WARS1: variants seen among roughly 807,000 people sequenced by gnomAD.
The protein encoded by WARS1 is tryptophan--tRNA ligase, cytoplasmic.
Under a neutral mutation model 47.8 loss-of-function variants are expected in WARS1, and 17 were observed. The observed-to-expected ratio is 0.36, with a 90% CI of 0.24 to 0.53. The LOEUF is 0.53. Ranked by LOEUF, WARS1 falls within the 20% of genes least tolerant of loss-of-function variation. The pLI is 0.91. For synonymous variants in WARS1, 208 were observed against 228.1 expected (o/e 0.91, Z 0.79); for missense variants, 434 against 608.0 (o/e 0.71, Z 3.01).
chr14:100,348,410 C>T (rs191052648), intron 6 of WARS1, among the ~76,000 whole-genome samples: 143 of 152,252 alleles, frequency 9.4e-4, no homozygotes, highest in African/African-American at 3.0e-3. Flanking sequence ...CTGTGTCTTT[C>T]GCCTAGCAGC....
In WARS1 at chr14:100,337,163, C is replaced by T. The variant is rs748258652; in HGVS notation, c.1153G>A (p.Glu385Lys). Residue 385 changes from glutamate to lysine, a missense_variant, in exon 10 of 11, where the codon GAG (glutamate) becomes AAG (lysine). Physicochemically the swap from Glu to Lys is moderately conservative, Grantham distance 56. This residue lies in a region of WARS1 where 347 missense variants were observed against 523.8 expected (regional missense o/e 0.66). Transcript: ENST00000392882. ...HAFSGGRDTI[E>K]EHRQFGGNCD... ...TTGCCCCCAAACTGCCTGTGCTCCT[C>T]GATGGTGTCTCTCCCTCCAGAAAAC... 27 of 1,614,190 alleles carry T rather than the reference C, an allele frequency of 1.7e-5. No individual in the cohort carries two copies. Among genetic ancestry groups the T allele is most frequent in the East Asian group, 1.3e-4 (6 of 44,886 alleles).
At chr14:100,349,449 G>A (rs1292116044) in intron 6 of WARS1, among the ~76,000 whole-genome samples, 1 of 152,198 alleles carries the variant, frequency 6.6e-6, no homozygotes, top group Non-Finnish European at 1.5e-5. Flanking sequence ...GCAGAGTGAA[G>A]AAAGCAGGCA....
intron 3 of WARS1, among the ~76,000 whole-genome samples, chr14:100,361,445 G>A (rs1238159947): frequency 6.6e-6 from 1 of 151,990 alleles, no homozygotes; most frequent in Non-Finnish European, 1.5e-5. Flanking sequence ...GTTCTGAAGT[G>A]CTCAAAAAAA....
chr14:100,357,264 A>G (rs563893412), intron 4 of WARS1, among the ~76,000 whole-genome samples: 1 of 152,286 alleles, frequency 6.6e-6, no homozygotes, highest in African/African-American at 2.4e-5. Flanking sequence ...TCAACATCCT[A>G]TTGAAAGTTG....
Position 100,374,821 on chromosome 14 carries a change from G to A in WARS1, c.-74+462C>T, listed in dbSNP as rs553722653. 5.2e-5 allele frequency: 4 copies of A among 76,998 alleles called. No homozygotes were observed. The Admixed American group carries it at 7.6e-4, about 15-fold the overall frequency. 4.8% of individuals were successfully genotyped at this position (76,998 alleles called of 1,614,324 possible). The stretch of plus-strand genomic sequence containing the variant: ...AGAGGACAAGAAAATGACTTCTTTA[G>A]AGCAAGGATTTCTTGACACCTTTTG... On this transcript the variant is annotated intron_variant, in intron 1 of 10. Coordinates refer to ENST00000392882, the MANE Select transcript of WARS1 (RefSeq NM_004184.4).
At chr14:100,354,138 C>T (rs138012417) in intron 5 of WARS1, 4 of 511,300 alleles carry the variant, frequency 7.8e-6, no homozygotes, top group Non-Finnish European at 1.4e-5. Flanking sequence ...TAGGTATCTT[C>T]ATTCTCATCT....
intron 6 of WARS1, 123 bp from the exon 7 acceptor site, chr14:100,346,969 G>A: frequency 1.2e-6 from 1 of 815,244 alleles, no homozygotes; most frequent in Non-Finnish European, 2.0e-6. Context: ...CCACATTGTG[G>A]TCAACACGTA....
chr14:100,342,716 T>C (rs1327117942), intron 8 of WARS1, 145 bp from the exon 9 acceptor site: 6 of 292,748 alleles, frequency 2.0e-5, no homozygotes, highest in Non-Finnish European at 2.9e-5. Flanking sequence ...CATCTTTTCC[T>C]TTTTTTTTTT....
chr14:100,359,505 G>A (rs544985090), intron 4 of WARS1, among the ~76,000 whole-genome samples: 2 of 152,314 alleles, frequency 1.3e-5, no homozygotes, highest in South Asian at 4.1e-4. Flanking sequence ...AGTGGGGAGG[G>A]AGAAATGGGG....
intron 2 of WARS1, among the ~76,000 whole-genome samples, chr14:100,367,173 C>T (rs1439968141): frequency 6.6e-6 from 1 of 150,672 alleles, no homozygotes; most frequent in East Asian, 2.0e-4. Context: ...AAATGGAAAA[C>T]AATAGGAGGG....
intron 10 of WARS1, 188 bp downstream of exon 10, chr14:100,336,874 G>A (rs534082304): frequency 4.5e-6 from 3 of 667,738 alleles, no homozygotes; most frequent in South Asian, 2.7e-5. Flanking sequence ...CTGCTCTTTC[G>A]AGATTTGTTC....
At chr14:100,350,002 C>T (rs541093976) in intron 6 of WARS1, among the ~76,000 whole-genome samples, 1 of 152,320 alleles carries the variant, frequency 6.6e-6, no homozygotes, top group South Asian at 2.1e-4. Context: ...AATGTCTCTC[C>T]TCACTTTAGG....
intron 6 of WARS1, among the ~76,000 whole-genome samples, chr14:100,347,580 C>CT (rs1413797433): frequency 6.7e-5 from 10 of 148,868 alleles, no homozygotes; most frequent in South Asian, 4.6e-4. Context: ...AGAGTGGCTT[C>CT]TTTTTTTTTG....
At chr14:100,344,121 C>T (rs1206777946) in intron 7 of WARS1, among the ~76,000 whole-genome samples, 1 of 152,194 alleles carries the variant, frequency 6.6e-6, no homozygotes, top group East Asian at 1.9e-4. Context: ...CACGGTCTCC[C>T]TCTGATGCGG....
chr14:100,351,140 G>C (rs1479712395), intron 6 of WARS1, among the ~76,000 whole-genome samples: 1 of 152,122 alleles, frequency 6.6e-6, no homozygotes, highest in Non-Finnish European at 1.5e-5. Flanking sequence ...GGAAAGACCC[G>C]CAAGTGGAAG....
intron 4 of WARS1, among the ~76,000 whole-genome samples, chr14:100,360,196 G>A (rs1329705136): frequency 6.6e-6 from 1 of 152,244 alleles, no homozygotes; most frequent in Non-Finnish European, 1.5e-5. Context: ...ATTTCAGGAA[G>A]CCTACTGTTT....
chr14:100,369,205 C>G lies in WARS1; in HGVS notation c.-20G>C, dbSNP rs138471055. On this transcript the variant is annotated 5_prime_UTR_variant, in exon 2 of 11. Transcript: ENST00000392882. ...GGGCATGTTTGCTATCTCTCAGGAA[C>G]TACGTTCACAGCCGGCCTGAGGTCA... is the stretch of plus-strand genomic sequence containing the variant. The G allele has an allele frequency of 3.5e-5, 46 of 1,318,066 alleles. No individual in the cohort carries two copies. The highest frequency in any genetic ancestry group is 4.4e-5 in the Non-Finnish European group (44 of 999,998). 81.6% of individuals were successfully genotyped at this position (1,318,066 alleles called of 1,614,324 possible).
intron 2 of WARS1, among the ~76,000 whole-genome samples, chr14:100,365,728 CTTTTTTT>C (rs5810993): frequency 1.4e-5 from 2 of 141,784 alleles, no homozygotes; most frequent in Non-Finnish European, 3.1e-5. Context: ...CAGAGATCTT[CTTTTTTT>C]TTTTTTTTTT....
rs1006621788 is a variant in WARS1 at position 100,373,928 on chromosome 14, C to T, written c.-74+1355G>A. On this transcript the variant is annotated intron_variant, in intron 1 of 10. Transcript: ENST00000392882. This position sits in a 1 kb window ranked among gnomAD's most constrained non-coding sequence, Gnocchi z 4.4. ...TGGAACTACCATCTTCCTCATTTCA[C>T]GCATTTATGAGTTTACCCCATTTCC... The T allele has an allele frequency of 2.0e-5, 3 of 152,004 alleles. No individual in the cohort carries two copies. The highest frequency in any genetic ancestry group is 1.3e-4 in the Admixed American group (2 of 15,268). The allele number at this position is 152,004 out of a possible 1,614,324, so 9.4% of individuals were successfully genotyped here.
Sources: allele counts gnomAD v4.1 joint callset (sites outside exome capture counted in the v4.1 genomes callset), GRCh38; gene constraint gnomAD v4.1.1; regional missense constraint gnomAD v4.1.1; non-coding constraint Gnocchi (gnomAD v3.1); transcripts MANE v1.5; gene names NCBI Gene and HGNC (gene_info 2026-07-23, HGNC 2026-07-21).